STARD5: variants seen among roughly 807,000 people sequenced by gnomAD.
STARD5 encodes the protein stAR-related lipid transfer protein 5.
Under a neutral mutation model 24.6 loss-of-function variants are expected in STARD5, and 26 were observed. The ratio of observed to expected loss-of-function variants is 1.06; its 90% CI spans 0.77 to 1.47. STARD5 has a LOEUF of 1.47. STARD5 is among the 40% of genes most tolerant of loss of function. The pLI, the probability that STARD5 is intolerant of heterozygous loss-of-function variation, is 0.00. For synonymous variants in STARD5, 101 were observed against 99.7 expected, an observed-to-expected ratio of 1.01 and a Z score of -0.07; for missense variants, 254 against 270.8, an observed-to-expected ratio of 0.94 and a Z score of 0.44.
At chr15:81,323,738 TA>T in intron 1 of STARD5, 3 of 770,236 alleles carry the variant, frequency 3.9e-6, no homozygotes, top group Non-Finnish European at 6.5e-6. Flanking sequence ...CATCCAGTCC[TA>T]AACAGCATTC....
At chr15:81,319,868 C>A (rs1030600638) in intron 3 of STARD5, among the ~76,000 whole-genome samples, 2 of 152,170 alleles carry the variant, frequency 1.3e-5, no homozygotes, top group Non-Finnish European at 2.9e-5. Context: ...GCACGAAGCT[C>A]ATGGTGGAGA....
rs74028610 is a variant in STARD5 at position 81,322,328 on chromosome 15, C to T, written c.282+80G>A. On this transcript the variant is annotated intron_variant, in intron 3 of 5. Coordinates refer to ENST00000302824, the MANE Select transcript of STARD5 (RefSeq NM_181900.3). ...CCCCTTAACAAAAGGTATCACGGAC[C>T]CCTTCCAGAAGAAATGGGAGGGGGT... 5 of 1,570,214 alleles carry T rather than the reference C, an allele frequency of 3.2e-6. No individual in the cohort carries two copies. In the East Asian group the frequency reaches 9.0e-5, roughly 28 times the overall value.
rs1900825270 is a variant in STARD5 at position 81,311,006 on chromosome 15, C to T, written c.*2250G>A. The T allele has an allele frequency of 6.6e-6, 1 of 152,248 alleles. No homozygotes were observed. The highest frequency in any genetic ancestry group is 2.1e-4 in the South Asian group (1 of 4,834). The allele number at this position is 152,248 out of a possible 1,614,324, so 9.4% of individuals were successfully genotyped here. A position where few individuals can be genotyped will look rare whatever the true frequency, so the allele number is the denominator to read the frequency against. On this transcript the variant is annotated 3_prime_UTR_variant, in exon 6 of 6. Transcript: ENST00000302824. The stretch of plus-strand genomic sequence containing the variant: ...ACTCCTAGGGCCACTGAAGATATAA[C>T]TATTGCCCAGGTTTCTGGTCTCTAG...
At chr15:81,321,338 G>A (rs1297546845) in intron 3 of STARD5, among the ~76,000 whole-genome samples, 1 of 152,004 alleles carries the variant, frequency 6.6e-6, no homozygotes, top group Non-Finnish European at 1.5e-5. Context: ...TTGGCCAGGC[G>A]CAGTGGCTTA....
intron 1 of STARD5, 106 bp downstream of exon 1, chr15:81,323,895 T>C (rs770014704): frequency 1.8e-5 from 21 of 1,155,514 alleles, no homozygotes; most frequent in African/African-American, 1.1e-4. Context: ...GTCCAGGGGA[T>C]TGGGGAGCAG....
chr15:81,316,241 A>T (rs191727636), intron 5 of STARD5, among the ~76,000 whole-genome samples: 2 of 152,238 alleles, frequency 1.3e-5, no homozygotes, highest in Admixed American at 1.3e-4. Flanking sequence ...TTTCCCTGGC[A>T]CCTTTATCTG....
At chr15:81,318,281 A>G (rs1567055792) in intron 5 of STARD5, 128 bp downstream of exon 5, 3 of 739,716 alleles carry the variant, frequency 4.1e-6, no homozygotes, top group Non-Finnish European at 2.3e-6. Context: ...TATCGTCACA[A>G]TCTAAAGAGC....
rs370780033 is a variant in STARD5, at chr15:81,322,393, C to T, written c.282+15G>A. 3 of 1,614,134 alleles carry T rather than the reference C, an allele frequency of 1.9e-6. No homozygotes were observed. The highest frequency in any genetic ancestry group is 2.7e-5 in the African/African-American group (2 of 75,056). ...CCAGACACTATCTAGAGATAACATG[C>T]TTGGAAAGACTTACGTCAGTGATGC... is the stretch of plus-strand genomic sequence containing the variant. On this transcript the variant is annotated intron_variant, in intron 3 of 5. Transcript: ENST00000302824.
At chr15:81,317,194 C>CA (rs34300152) in intron 5 of STARD5, among the ~76,000 whole-genome samples, 26,678 of 106,516 alleles carry the variant, frequency 0.25, 3,221 homozygotes, top group East Asian at 0.47. Flanking sequence ...AACTCCGTCT[C>CA]AAAAAAAAAA....
chr15:81,316,518 C>A (rs1901086338), intron 5 of STARD5, among the ~76,000 whole-genome samples: 1 of 152,172 alleles, frequency 6.6e-6, no homozygotes, highest in African/African-American at 2.4e-5. Flanking sequence ...TGTGCACCCA[C>A]CATTCTTATT....
At chr15:81,319,738 G>C (rs1035116122) in intron 3 of STARD5, among the ~76,000 whole-genome samples, 1 of 152,196 alleles carries the variant, frequency 6.6e-6, no homozygotes, top group Non-Finnish European at 1.5e-5. Flanking sequence ...ACCATTTATT[G>C]AGCACCTAGT....
intron 5 of STARD5, 46 bp from the exon 6 acceptor site, chr15:81,313,449 G>A: frequency 1.4e-6 from 2 of 1,452,422 alleles, no homozygotes; most frequent in South Asian, 1.5e-5. Flanking sequence ...CAGCAGAGGT[G>A]CTGGGGACGA....
chr15:81,319,478 T>C, intron 3 of STARD5, 22 bp from the exon 4 acceptor site: 1 of 1,601,410 alleles, frequency 6.2e-7, no homozygotes, highest in Admixed American at 1.7e-5. Context: ...AAGAAGCATG[T>C]AGCTGTGACT....
Position 81,322,899 on chromosome 15 carries a change from A to C in STARD5, c.149T>G (p.Leu50Arg). 6.2e-7 allele frequency: 1 copy of C among 1,614,210 alleles called. No homozygotes were observed. The highest frequency in any genetic ancestry group is 8.5e-7 in the Non-Finnish European group (1 of 1,180,028). The change falls in exon 2 of 6, where the codon CTG (leucine) becomes CGG (arginine). Residue 50 changes from leucine (L) to arginine (R), a missense_variant and splice_region_variant. By Grantham distance (102) the Leu-to-Arg change is moderately radical. Coordinates refer to ENST00000302824, the MANE Select transcript of STARD5 (RefSeq NM_181900.3). ...ATCTTTGAACGAGGCATGCACTTAC[A>C]GGTTCCCTGGAAACTCCACAGATGG... ...WRPSVEFPGN[L>R]YRGEGIVYGT...
At chr15:81,319,224 A>T (rs1166966319) in intron 4 of STARD5, 115 bp downstream of exon 4, 1 of 933,196 alleles carries the variant, frequency 1.1e-6, no homozygotes, top group African/African-American at 1.6e-5. Flanking sequence ...GGGGACTCAG[A>T]GTGTGAGTTT....
chr15:81,322,034 G>A (rs956299464), intron 3 of STARD5, among the ~76,000 whole-genome samples: 3 of 152,222 alleles, frequency 2.0e-5, no homozygotes, highest in East Asian at 1.9e-4. Context: ...AGCAAAAAGC[G>A]TGAAGACCCT....
At chr15:81,318,610 T>C (rs1901131341) in intron 4 of STARD5, 108 bp from the exon 5 acceptor site, 7 of 940,372 alleles carry the variant, frequency 7.4e-6, no homozygotes, top group Middle Eastern at 6.6e-4. Flanking sequence ...CCCTGGAGTC[T>C]GTGAGGGACT....
At chr15:81,323,687 C>A in intron 1 of STARD5, 2 of 950,456 alleles carry the variant, frequency 2.1e-6, no homozygotes, top group Non-Finnish European at 3.4e-6. Context: ...CCTGCTTACC[C>A]CTTAAATGCA....
Position 81,311,596 on chromosome 15 carries a change from G to T in STARD5, c.*1660C>A, listed in dbSNP as rs2141662336. 1 of 152,336 alleles carries T rather than the reference G, an allele frequency of 6.6e-6. No individual in the cohort carries two copies. The highest frequency in any genetic ancestry group is 2.4e-5 in the African/African-American group (1 of 41,534). The allele number at this position is 152,336 out of a possible 1,614,324, so 9.4% of individuals were successfully genotyped here. Reference sequence around the variant, plus strand: ...CTGGCCTTCCACTTGGCTACACAGGGATGTACAAGGCGATCCCATCTTGAT... The same window carrying T: ...CTGGCCTTCCACTTGGCTACACAGGTATGTACAAGGCGATCCCATCTTGAT... On this transcript the variant is annotated 3_prime_UTR_variant, in exon 6 of 6. Coordinates refer to ENST00000302824, the MANE Select transcript of STARD5 (RefSeq NM_181900.3).
Sources: allele counts gnomAD v4.1 joint callset (sites outside exome capture counted in the v4.1 genomes callset), GRCh38; gene constraint gnomAD v4.1.1; transcripts MANE v1.5; gene names NCBI Gene and HGNC (gene_info 2026-07-23, HGNC 2026-07-21).